AGAP1: variants seen among roughly 807,000 people sequenced by gnomAD.
AGAP1 encodes the protein arf-GAP with GTPase, ANK repeat and PH domain-containing protein 1.
In AGAP1, 29 loss-of-function variants were observed where a neutral mutation model predicts 105.3. That is an observed-to-expected ratio of 0.28 (90% CI 0.21 to 0.38). The LOEUF is 0.38. Ranked by LOEUF, AGAP1 falls within the 10% of genes least tolerant of loss-of-function variation. The pLI is 1.00. For synonymous variants in AGAP1, 509 were observed against 485.9 expected (o/e 1.05, Z -0.63); for missense variants, 998 against 1,165.1 (o/e 0.86, Z 2.09).
chr2:235,758,131 T>C (rs1954085109), intron 6 of AGAP1, among the ~76,000 whole-genome samples: 1 of 151,062 alleles, frequency 6.6e-6, no homozygotes. Context: ...AACTAGTGTG[T>C]GTGTGCATGC....
rs934802880 is a variant in AGAP1, at chr2:235,959,512, CCTT to C, written c.1484-8946_1484-8944del. Among the ~76,000 whole-genome samples, 14 of 152,280 alleles carry C rather than the reference CCTT, an allele frequency of 9.2e-5. No homozygotes were observed. The highest frequency in any genetic ancestry group is 6.5e-4 in the Admixed American group (10 of 15,294). On this transcript the variant is annotated intron_variant, in intron 12 of 17. Transcript: ENST00000304032. This position sits in a 1 kb window ranked among gnomAD's most constrained non-coding sequence, Gnocchi z 7.3. ...AGCGCCCAGTGGACGGGAACCCGGT[CCTT>C]CTTGCCATGAGAACACCCAGCCCAG...
chr2:235,694,478 CAAAAAAAAAA>C (rs1055692749), intron 1 of AGAP1, among the ~76,000 whole-genome samples: 1 of 73,666 alleles, frequency 1.4e-5, no homozygotes. Flanking sequence ...GACTCTGTCT[CAAAAAAAAAA>C]AAAAAAAAAA....
At chr2:235,802,663 TGTGGTTGTGGTGATGATGGTTGTG>T (rs1957551775) in intron 8 of AGAP1, among the ~76,000 whole-genome samples, 2 of 135,704 alleles carry the variant, frequency 1.5e-5, no homozygotes, top group African/African-American at 5.8e-5. Context: ...TGATGATGGT[TGTGGTTGTGGTGATGATGGTTGTG>T]GTGGTGATGA....
Position 235,976,831 on chromosome 2 carries a change from C to A in AGAP1, c.1645+8208C>A, listed in dbSNP as rs1303414823. Reference sequence around the variant, plus strand: ...CGTTGTATAGACAACGAAATATCTGCTATTCCAAGGAGGAAAAAAGGAAAA... The same window carrying A: ...CGTTGTATAGACAACGAAATATCTGATATTCCAAGGAGGAAAAAAGGAAAA... On this transcript the variant is annotated intron_variant, in intron 13 of 17. Transcript: ENST00000304032. This position sits in a 1 kb window ranked among gnomAD's most constrained non-coding sequence, Gnocchi z 4.5. Among the ~76,000 whole-genome samples, 2 of 152,138 alleles carry A rather than the reference C, an allele frequency of 1.3e-5. No individual in the cohort carries two copies. Among genetic ancestry groups the A allele is most frequent in the African/African-American group, 4.8e-5 (2 of 41,430 alleles).
Position 235,621,014 on chromosome 2 carries a change from C to G in AGAP1, c.164-88165C>G, listed in dbSNP as rs990372689. The stretch of plus-strand genomic sequence containing the variant: ...GAAGTGGCTGGATGGCCTTGGAGAT[C>G]TAGTTAATTTTTTTCCTTTTTTTGG... On this transcript the variant is annotated intron_variant, in intron 1 of 17. Coordinates refer to ENST00000304032, the MANE Select transcript of AGAP1 (RefSeq NM_001037131.3). This position sits in a 1 kb window ranked among gnomAD's most constrained non-coding sequence, Gnocchi z 4.1. Among the ~76,000 whole-genome samples, 1 of 152,054 alleles carries G rather than the reference C, an allele frequency of 6.6e-6. No homozygotes were observed. Among genetic ancestry groups the G allele is most frequent in the Non-Finnish European group, 1.5e-5 (1 of 68,030 alleles).
At chr2:235,946,806 C>T (rs1187355219) in intron 12 of AGAP1, among the ~76,000 whole-genome samples, 1 of 152,130 alleles carries the variant, frequency 6.6e-6, no homozygotes, top group Non-Finnish European at 1.5e-5. Context: ...GCCCCTCTGC[C>T]CAGCCAGGCA....
intron 10 of AGAP1, among the ~76,000 whole-genome samples, chr2:235,892,766 C>CA (rs754598528): frequency 6.6e-6 from 1 of 152,130 alleles, no homozygotes; most frequent in Non-Finnish European, 1.5e-5. Context: ...GGATGGACCT[C>CA]AGACTTCTTG....
chr2:235,950,061 A>C lies in AGAP1; in HGVS notation c.1484-18401A>C, dbSNP rs980417851. Among the ~76,000 whole-genome samples the C allele has an allele frequency of 2.0e-5, 3 of 152,174 alleles. No individual in the cohort carries two copies. In the East Asian group the frequency reaches 5.8e-4, roughly 29 times the overall value. ...GGGTTGCTGGGAGATGCTTGGGCAC[A>C]GAGAGTGAGGTGTTTGCTGGGAAAA... On this transcript the variant is annotated intron_variant, in intron 12 of 17. Transcript: ENST00000304032.
chr2:235,726,730 C>A (rs1631149), intron 3 of AGAP1, among the ~76,000 whole-genome samples: 66,056 of 151,878 alleles, frequency 0.43, 17,077 homozygotes, highest in Non-Finnish European at 0.56. Flanking sequence ...GCCATGCTCG[C>A]TGTGTTAGTC....
Position 235,769,791 on chromosome 2 carries a change from G to A in AGAP1, c.673+19303G>A, listed in dbSNP as rs371730998. Among the ~76,000 whole-genome samples the A allele has an allele frequency of 1.2e-4, 18 of 152,136 alleles. No homozygotes were observed. Among genetic ancestry groups the A allele is most frequent in the African/African-American group, 2.2e-4 (9 of 41,422 alleles). ...ATGGGGGAGGCACAGGCGACGCTCC[G>A]AGGCAGCCTGGCTTGTGTTAGCTGA... On this transcript the variant is annotated intron_variant, in intron 6 of 17. Transcript: ENST00000304032. This position sits in a 1 kb window ranked among gnomAD's most constrained non-coding sequence, Gnocchi z 4.4.
chr2:235,996,035 G>A (rs1022242528), intron 13 of AGAP1, among the ~76,000 whole-genome samples: 9 of 152,182 alleles, frequency 5.9e-5, no homozygotes, highest in African/African-American at 1.9e-4. Flanking sequence ...AAGCCGCCAC[G>A]TGGGCTCGGA....
At chr2:236,110,759 A>G (rs993011931) in intron 16 of AGAP1, among the ~76,000 whole-genome samples, 8 of 152,334 alleles carry the variant, frequency 5.3e-5, no homozygotes, top group Non-Finnish European at 7.4e-5. Flanking sequence ...GTAAATAAAG[A>G]TGGAGAAATT....
chr2:235,589,945 A>G (rs567915818), intron 1 of AGAP1, among the ~76,000 whole-genome samples: 6 of 151,586 alleles, frequency 4.0e-5, no homozygotes, highest in Non-Finnish European at 5.9e-5. Context: ...CAGTGGTGCA[A>G]TCTCAGCTCA....
At chr2:235,880,357 G>A (rs1334537030) in intron 9 of AGAP1, among the ~76,000 whole-genome samples, 5 of 152,070 alleles carry the variant, frequency 3.3e-5, no homozygotes, top group Non-Finnish European at 7.4e-5. Flanking sequence ...TGAGTGGGAA[G>A]GGATGAAGCT....
intron 1 of AGAP1, among the ~76,000 whole-genome samples, chr2:235,547,190 A>G (rs1012872836): frequency 2.0e-5 from 3 of 152,102 alleles, no homozygotes. Context: ...CTCCAAGGAG[A>G]TGGCCTAGCT....
At chr2:235,811,678 C>T (rs1958147441) in intron 9 of AGAP1, among the ~76,000 whole-genome samples, 1 of 152,182 alleles carries the variant, frequency 6.6e-6, no homozygotes, top group African/African-American at 2.4e-5. Context: ...TGCTCTGTAC[C>T]TCAGGCCATG....
At position 235,625,935 on chromosome 2, in the gene AGAP1, G is replaced by C. The variant is rs1039884996; in HGVS notation, c.164-83244G>C. Among the ~76,000 whole-genome samples, 1 of 152,156 alleles carries C rather than the reference G, an allele frequency of 6.6e-6. No individual in the cohort carries two copies. The highest frequency in any genetic ancestry group is 6.5e-5 in the Admixed American group (1 of 15,276). The stretch of plus-strand genomic sequence containing the variant: ...AATTCCACACAGAGAAAGGTGTTTC[G>C]GGGAAGTAGAATATTAGCAGAGCTA... On this transcript the variant is annotated intron_variant, in intron 1 of 17. Coordinates refer to ENST00000304032, the MANE Select transcript of AGAP1 (RefSeq NM_001037131.3). The surrounding 1 kb of genome is among the most constrained non-coding windows in gnomAD (Gnocchi z 4.0).
At position 235,494,839 on chromosome 2, in the gene AGAP1, C is replaced by T; in HGVS notation, c.153C>T (p.Ile51=). 6.4e-7 allele frequency: 1 copy of T among 1,570,518 alleles called. No homozygotes were observed. The highest frequency in any genetic ancestry group is 8.6e-7 in the Non-Finnish European group (1 of 1,158,396). ...AGAACCAGATCCGGGAGCACGTCAT[C>T]GCCATCGAAGGTGAGGGCCGGGCCG... is the stretch of plus-strand genomic sequence containing the variant. ...VLQNQIREHV[I]AIEDAFVNSQ... is the part of the protein sequence containing the mutation. Residue 51 remains isoleucine, a synonymous_variant, in exon 1 of 18, where the codon ATC becomes ATT. Transcript: ENST00000304032.
rs967502600 is a variant in AGAP1, at chr2:235,578,017, C to T, written c.163+83168C>T. 2.6e-5 allele frequency among the ~76,000 whole-genome samples: 4 copies of T among 152,096 alleles called. No homozygotes were observed. Among genetic ancestry groups the T allele is most frequent in the African/African-American group, 9.7e-5 (4 of 41,402 alleles). On this transcript the variant is annotated intron_variant, in intron 1 of 17. Coordinates refer to ENST00000304032, the MANE Select transcript of AGAP1 (RefSeq NM_001037131.3). The surrounding 1 kb of genome is among the most constrained non-coding windows in gnomAD (Gnocchi z 4.9). ...AGGTGCCTGCGTGTGCTGGTCCCGC[C>T]ATCAGGACTTCCCCTCGTGAGGAGC...
Sources: gnomAD v4.1 joint callset for allele counts (sites outside exome capture counted in the v4.1 genomes callset) on GRCh38, gnomAD v4.1.1 for gene constraint, Gnocchi (gnomAD v3.1) non-coding constraint, MANE v1.5 for transcripts, NCBI Gene and HGNC (gene_info 2026-07-23, HGNC 2026-07-21) for gene names.